CEP170: variants seen among roughly 807,000 people sequenced by gnomAD.
CEP170 encodes centrosomal protein 170.
CEP170 carries 21 observed loss-of-function variants against 151.9 expected under a neutral mutation model. That is an observed-to-expected ratio of 0.14 (90% CI 0.10 to 0.20). The LOEUF is 0.20. CEP170 is among the 10% of genes least tolerant of loss of function. The probability of loss-of-function intolerance (pLI) is 1.00; values close to 1 mark genes in which losing one functional copy is unlikely to be tolerated. For missense variants in CEP170, 964 were observed against 1,892.9 expected, an observed-to-expected ratio of 0.51 and a Z score of 9.11; for synonymous variants, 356 against 648.8, an observed-to-expected ratio of 0.55 and a Z score of 6.86.
intron 10 of CEP170, among the ~76,000 whole-genome samples, 175 bp from the exon 11 acceptor site, chr1:243,173,021 A>G (rs1436352453): frequency 6.6e-6 from 1 of 152,220 alleles, no homozygotes; most frequent in Non-Finnish European, 1.5e-5. Flanking sequence ...TGTGATAGCT[A>G]GAAACGAAAG....
intron 13 of CEP170, 87 bp downstream of exon 13, chr1:243,164,197 T>C (rs1389683218): frequency 9.1e-6 from 12 of 1,314,954 alleles, no homozygotes. Flanking sequence ...GGAAGACAAC[T>C]AGAACCTTAC....
At chr1:243,248,690 T>C (rs897205862) in intron 1 of CEP170, among the ~76,000 whole-genome samples, 5 of 152,220 alleles carry the variant, frequency 3.3e-5, no homozygotes, top group Non-Finnish European at 5.9e-5. Context: ...ATTCCAATCA[T>C]TTCCTAGCTT....
chr1:243,249,408 ACT>A (rs1341349387), intron 1 of CEP170, among the ~76,000 whole-genome samples: 2 of 147,204 alleles, frequency 1.4e-5, no homozygotes, highest in Non-Finnish European at 3.0e-5. Flanking sequence ...ACAGAACAAG[ACT>A]CTGTCTCAAA....
At chr1:243,223,568 G>GTTCA (rs2062991718) in intron 2 of CEP170, among the ~76,000 whole-genome samples, 1 of 152,174 alleles carries the variant, frequency 6.6e-6, no homozygotes, top group Non-Finnish European at 1.5e-5. Context: ...AACTGCTTAT[G>GTTCA]GTGAACACTG....
chr1:243,133,418 A>C (rs1451793358), intron 17 of CEP170, among the ~76,000 whole-genome samples: 37 of 152,364 alleles, frequency 2.4e-4, no homozygotes, highest in Non-Finnish European at 3.8e-4. Context: ...TCATTTATTT[A>C]TTTCTTTGGT....
At chr1:243,218,535 T>C (rs951566655) in intron 3 of CEP170, among the ~76,000 whole-genome samples, 8 of 151,846 alleles carry the variant, frequency 5.3e-5, no homozygotes, top group African/African-American at 1.7e-4. Context: ...ATTCTGTAAA[T>C]TGTAGATCTA....
intron 16 of CEP170, among the ~76,000 whole-genome samples, chr1:243,138,192 A>C (rs915307865): frequency 4.6e-5 from 7 of 152,234 alleles, no homozygotes; most frequent in Non-Finnish European, 1.0e-4. Flanking sequence ...CTCTTTAAAA[A>C]CATACACTTC....
At chr1:243,244,726 A>T (rs2065199108) in intron 1 of CEP170, among the ~76,000 whole-genome samples, 1 of 151,532 alleles carries the variant, frequency 6.6e-6, no homozygotes, top group Non-Finnish European at 1.5e-5. Flanking sequence ...AGCCTGGAGG[A>T]CAAAGTGAAA....
intron 10 of CEP170, among the ~76,000 whole-genome samples, chr1:243,177,080 A>AT (rs1257485308): frequency 6.6e-6 from 1 of 152,190 alleles, no homozygotes; most frequent in African/African-American, 2.4e-5. Flanking sequence ...AGGATGGGGG[A>AT]TACAGGGTCA....
intron 17 of CEP170, among the ~76,000 whole-genome samples, chr1:243,134,982 A>G (rs2054875972): frequency 6.6e-6 from 1 of 152,204 alleles, no homozygotes; most frequent in South Asian, 2.1e-4. Context: ...CAGAGTGGGG[A>G]AACACACCCA....
Position 243,126,349 on chromosome 1 carries a change from A to G in CEP170, c.*100T>C. ...AAGAAGACAGGGATTCCAAGATTGT[A>G]GCTGACCAAGCTGTCTTGTTTTGCG... On this transcript the variant is annotated 3_prime_UTR_variant, in exon 20 of 20. Coordinates refer to ENST00000366542, the MANE Select transcript of CEP170 (RefSeq NM_014812.3). 1 of 1,180,730 alleles carries G rather than the reference A, an allele frequency of 8.5e-7. No individual in the cohort carries two copies. Among genetic ancestry groups the G allele is most frequent in the Non-Finnish European group, 1.2e-6 (1 of 828,438 alleles). The allele number at this position is 1,180,730 out of a possible 1,614,324, so 73.1% of individuals were successfully genotyped here. A position where few individuals can be genotyped will look rare whatever the true frequency, so the allele number is the denominator to read the frequency against.
intron 3 of CEP170, among the ~76,000 whole-genome samples, chr1:243,213,313 A>AAAT (rs1484521819): frequency 1.3e-5 from 2 of 152,190 alleles, no homozygotes; most frequent in Admixed American, 1.3e-4. Flanking sequence ...TCTTTCCAAG[A>AAAT]AGGTATAAAA....
rs139951988 is a variant in CEP170 at position 243,172,615 on chromosome 1, G to A, written c.1716+82C>T. On this transcript the variant is annotated intron_variant, in intron 11 of 19. Coordinates refer to ENST00000366542, the MANE Select transcript of CEP170 (RefSeq NM_014812.3). The stretch of plus-strand genomic sequence containing the variant: ...CCATTGCACTCCAGCCTGGGCAACA[G>A]AGTGAAACTCTGTCTCAGACAAGAA... 6.7e-4 allele frequency: 827 copies of A among 1,237,746 alleles called. 3 individuals carry two copies. The African/African-American group carries it at 0.011, about 16-fold the overall frequency. The allele number at this position is 1,237,746 out of a possible 1,614,324, so 76.7% of individuals were successfully genotyped here. A position where few individuals can be genotyped will look rare whatever the true frequency, so the allele number is the denominator to read the frequency against.
intron 10 of CEP170, among the ~76,000 whole-genome samples, chr1:243,179,550 T>C (rs1237081461): frequency 6.6e-6 from 1 of 152,280 alleles, no homozygotes; most frequent in East Asian, 1.9e-4. Flanking sequence ...ACAAGTTATT[T>C]TGGAATCAAG....
chr1:243,245,619 CAGA>C (rs1169641332), intron 1 of CEP170, among the ~76,000 whole-genome samples: 1 of 151,996 alleles, frequency 6.6e-6, no homozygotes, highest in East Asian at 1.9e-4. Flanking sequence ...GAGGCTGAAG[CAGA>C]AGAATTGCTT....
At chr1:243,251,599 T>A (rs1414071353) in intron 1 of CEP170, among the ~76,000 whole-genome samples, 1 of 152,176 alleles carries the variant, frequency 6.6e-6, no homozygotes, top group Non-Finnish European at 1.5e-5. Context: ...TTGGTAGGTA[T>A]TATTCAACGA....
intron 1 of CEP170, among the ~76,000 whole-genome samples, chr1:243,239,370 T>C (rs566732379): frequency 8.5e-5 from 13 of 152,322 alleles, no homozygotes; most frequent in African/African-American, 2.6e-4. Flanking sequence ...CCACTGGTTC[T>C]TACCAATAAA....
intron 1 of CEP170, among the ~76,000 whole-genome samples, chr1:243,242,368 G>A (rs989518481): frequency 5.9e-5 from 9 of 151,982 alleles, no homozygotes; most frequent in Non-Finnish European, 1.0e-4. Flanking sequence ...ACAGGCGCCC[G>A]CCACCACGCC....
intron 14 of CEP170, among the ~76,000 whole-genome samples, chr1:243,149,225 T>G (rs1029330294): frequency 2.6e-5 from 4 of 152,158 alleles, no homozygotes; most frequent in Non-Finnish European, 5.9e-5. Flanking sequence ...CAGTCACAAA[T>G]AAAGATGTAA....
Sources: gnomAD v4.1 joint callset for allele counts (sites outside exome capture counted in the v4.1 genomes callset) on GRCh38, gnomAD v4.1.1 for gene constraint, MANE v1.5 for transcripts, NCBI Gene and HGNC (gene_info 2026-07-23, HGNC 2026-07-21) for gene names.